The following APOL5 variants were observed in gnomAD, a reference collection of about 807,000 sequenced individuals.
The protein encoded by APOL5 is apolipoprotein L5.
In APOL5, 29 loss-of-function variants were observed where a neutral mutation model predicts 35.5. The observed-to-expected ratio is 0.82, with a 90% CI of 0.61 to 1.11. The LOEUF (loss-of-function observed/expected upper bound fraction) is 1.11, where lower values mean the gene tolerates loss of function less well. Among genes scored for constraint, APOL5 ranks in the 50% most tolerant of loss-of-function variants. APOL5 has a pLI of 0.00. For missense variants in APOL5, 514 were observed against 530.4 expected, an observed-to-expected ratio of 0.97 and a Z score of 0.30; for synonymous variants, 188 against 200.2, an observed-to-expected ratio of 0.94 and a Z score of 0.51.
chr22:35,715,182 A>G (rs1926706682), upstream of APOL5, among the ~76,000 whole-genome samples: 1 of 152,192 alleles, frequency 6.6e-6, no homozygotes, highest in Admixed American at 6.5e-5. Flanking sequence ...GAACCTGTCC[A>G]GTGGTTCTCC....
intron 2 of APOL5, among the ~76,000 whole-genome samples, chr22:35,724,638 T>A (rs1413161298): frequency 1.3e-5 from 2 of 152,180 alleles, no homozygotes; most frequent in African/African-American, 4.8e-5. Context: ...AGACGGAGTT[T>A]CACTCTGTTG....
intron 2 of APOL5, among the ~76,000 whole-genome samples, chr22:35,723,386 C>G (rs1423397685): frequency 6.6e-6 from 1 of 152,144 alleles, no homozygotes; most frequent in African/African-American, 2.4e-5. Flanking sequence ...GCTGGAAACC[C>G]CAAATTCCAT....
chr22:35,709,716 A>G, the APOL5 span, among the ~76,000 whole-genome samples: 3 of 151,924 alleles, frequency 2.0e-5, no homozygotes, highest in Non-Finnish European at 4.4e-5. Flanking sequence ...TATTTATTCC[A>G]TATGTTTTTG....
At chr22:35,709,160 ACATTTGTTAT>A in the APOL5 span, among the ~76,000 whole-genome samples, 2 of 152,244 alleles carry the variant, frequency 1.3e-5, no homozygotes, top group Admixed American at 1.3e-4. Flanking sequence ...CGAAGTGTCA[ACATTTGTTAT>A]CAAGAACATG....
intron 1 of APOL5, among the ~76,000 whole-genome samples, chr22:35,719,495 A>C (rs5999972): frequency 0.67 from 102,517 of 152,150 alleles, 35,075 homozygotes; most frequent in African/African-American, 0.77. Context: ...CCCAAGTTAA[A>C]AATGTTATCA....
the APOL5 span, among the ~76,000 whole-genome samples, chr22:35,709,367 T>TCACACACACACACA: frequency 4.0e-4 from 60 of 149,824 alleles, no homozygotes; most frequent in South Asian, 6.3e-4. Context: ...CACAAAATTT[T>TCACACACACACACA]CACACACACA....
intron 1 of APOL5, among the ~76,000 whole-genome samples, chr22:35,718,325 C>T (rs966568437): frequency 1.3e-5 from 2 of 152,132 alleles, no homozygotes; most frequent in Non-Finnish European, 2.9e-5. Flanking sequence ...ACTGTTATGA[C>T]CCCAAAGCAC....
Position 35,726,251 on chromosome 22 carries a change from T to C in APOL5, c.183T>C (p.Asn61=), listed in dbSNP as rs1927149086. 6.2e-7 allele frequency: 1 copy of C among 1,612,202 alleles called. No individual in the cohort carries two copies. Among genetic ancestry groups the C allele is most frequent in the Non-Finnish European group, 8.5e-7 (1 of 1,178,286 alleles). ...VNLCQSWKIN[N]LMSTVHSDEA... is the part of the protein sequence containing the mutation. ...TGTGCCAGAGTTGGAAAATTAACAA[T>C]TTGATGTCAACTGTCCACAGTGATG... The change falls in exon 3 of 5, where the codon AAT becomes AAC. Residue 61 remains asparagine, a synonymous_variant. Coordinates refer to ENST00000249044, the MANE Select transcript of APOL5 (RefSeq NM_030642.1).
At chr22:35,722,333 C>T (rs5999979) in intron 2 of APOL5, among the ~76,000 whole-genome samples, 49,513 of 151,952 alleles carry the variant, frequency 0.33, 9,074 homozygotes, top group African/African-American at 0.5. Flanking sequence ...AATGGAGTCT[C>T]CCTCTGTCGC....
chr22:35,727,589 C>CGCTGAGCCGGTTCCTGGGT (rs1276544487), intron 3 of APOL5, among the ~76,000 whole-genome samples: 1 of 152,068 alleles, frequency 6.6e-6, no homozygotes, highest in Non-Finnish European at 1.5e-5. Flanking sequence ...CGCCCTCTTG[C>CGCTGAGCCGGTTCCTGGGT]GCTGAGCCGG....
upstream of APOL5, among the ~76,000 whole-genome samples, chr22:35,714,034 G>A (rs1351510285): frequency 1.3e-5 from 2 of 152,100 alleles, no homozygotes; most frequent in Non-Finnish European, 2.9e-5. Flanking sequence ...TGTGTTGGCC[G>A]GGCGCGGTGG....
upstream of APOL5, among the ~76,000 whole-genome samples, chr22:35,717,235 A>AAAAAATATATATATATATATATAT: frequency 3.5e-5 from 2 of 57,656 alleles, no homozygotes; most frequent in African/African-American, 1.6e-4. Flanking sequence ...AAAAAAAAAA[A>AAAAAATATATATATATATATATAT]ATATATATAT....
intron 2 of APOL5, among the ~76,000 whole-genome samples, chr22:35,725,765 A>G (rs1382137638): frequency 3.3e-5 from 5 of 152,188 alleles, no homozygotes; most frequent in Non-Finnish European, 7.4e-5. Flanking sequence ...TCTGAAAAAT[A>G]TCTCGAGCAC....
At chr22:35,710,094 T>C in the APOL5 span, among the ~76,000 whole-genome samples, 1 of 150,922 alleles carries the variant, frequency 6.6e-6, no homozygotes, top group African/African-American at 2.4e-5. Context: ...TGTCTGCCTT[T>C]AGGTCTTTCT....
upstream of APOL5, among the ~76,000 whole-genome samples, chr22:35,713,129 C>G (rs1473446965): frequency 6.6e-6 from 1 of 152,244 alleles, no homozygotes; most frequent in Non-Finnish European, 1.5e-5. Flanking sequence ...AACATCTTCT[C>G]TCCTCTTCCT....
chr22:35,726,297 T>C lies in APOL5; in HGVS notation c.229T>C (p.Phe77Leu). ...HSDEAGMLSY[F>L]LFEELMRCDK... is the part of the protein sequence containing the mutation. ...TGATGAGGCTGGTATGCTGTCCTAC[T>C]TTCTGTTTGAAGAGCTGATGCGATG... Residue 77 changes from phenylalanine to leucine, a missense_variant, in exon 3 of 5, where the codon TTT (phenylalanine) becomes CTT (leucine). Around this residue, in one of 3 missense-constraint regions of APOL5, gnomAD observed 254 missense variants for 254.7 expected, o/e 1.00. Coordinates refer to ENST00000249044, the MANE Select transcript of APOL5 (RefSeq NM_030642.1). 1 of 1,614,218 alleles carries C rather than the reference T, an allele frequency of 6.2e-7. No individual in the cohort carries two copies. Among genetic ancestry groups the C allele is most frequent in the African/African-American group, 1.3e-5 (1 of 75,052 alleles).
intron 1 of APOL5, among the ~76,000 whole-genome samples, 182 bp from the exon 2 acceptor site, chr22:35,720,386 T>C (rs1926924714): frequency 6.6e-6 from 1 of 152,250 alleles, no homozygotes. Flanking sequence ...GGTTTGTTTG[T>C]TTAAAATCAT....
rs145951625 is a variant in APOL5, at chr22:35,719,157, G to A, written c.55+1231G>A. Among the ~76,000 whole-genome samples, 1,301 of 152,226 alleles carry A rather than the reference G, an allele frequency of 8.5e-3. 25 individuals are homozygous for A. The highest frequency in any genetic ancestry group is 0.068 in the Middle Eastern group (20 of 294). On this transcript the variant is annotated intron_variant, in intron 1 of 4. Transcript: ENST00000249044. ...AATAATACGGATTTGAAAAATAACG[G>A]GAAGTAGAGAATGAAATCAATAGTT...
At chr22:35,713,406 C>T (rs1255621536), upstream of APOL5, among the ~76,000 whole-genome samples, 1 of 152,206 alleles carries the variant, frequency 6.6e-6, no homozygotes, top group African/African-American at 2.4e-5. Flanking sequence ...TGCACCCTCT[C>T]TCTGGGGTAG....
Sources: allele counts gnomAD v4.1 joint callset (sites outside exome capture counted in the v4.1 genomes callset), GRCh38; gene constraint gnomAD v4.1.1; regional missense constraint gnomAD v4.1.1; transcripts MANE v1.5; gene names NCBI Gene and HGNC (gene_info 2026-07-23, HGNC 2026-07-21).